CCSER1: variants seen among roughly 807,000 people sequenced by gnomAD.
The protein encoded by CCSER1 is coiled-coil serine rich protein 1.
In CCSER1, 41 loss-of-function variants were observed where a neutral mutation model predicts 82.0. The ratio of observed to expected loss-of-function variants is 0.50; its 90% CI spans 0.39 to 0.65. The LOEUF (loss-of-function observed/expected upper bound fraction) is 0.65, where lower values mean the gene tolerates loss of function less well. Among genes scored for constraint, CCSER1 ranks in the 30% least tolerant of loss-of-function variants. The pLI, the probability that CCSER1 is intolerant of heterozygous loss-of-function variation, is 0.00. For missense variants in CCSER1, 1,119 were observed against 1,064.2 expected (o/e 1.05, Z -0.72); for synonymous variants, 414 against 383.9 (o/e 1.08, Z -0.92).
chr4:90,894,210 T>A (rs1261177499), intron 8 of CCSER1, among the ~76,000 whole-genome samples: 1 of 152,078 alleles, frequency 6.6e-6, no homozygotes, highest in Non-Finnish European at 1.5e-5. Context: ...TATCCAAAAT[T>A]GTATTCTGTT....
intron 7 of CCSER1, 118 bp from the exon 8 acceptor site, chr4:90,815,644 G>A (rs1423519911): frequency 9.6e-6 from 6 of 622,590 alleles, no homozygotes; most frequent in African/African-American, 9.2e-5. Flanking sequence ...ACTATAGAGG[G>A]AATTTGAGTT....
intron 8 of CCSER1, among the ~76,000 whole-genome samples, chr4:90,902,649 G>T (rs533044134): frequency 6.6e-6 from 1 of 152,132 alleles, no homozygotes; most frequent in Non-Finnish European, 1.5e-5. Flanking sequence ...TATGCCTCCT[G>T]CAAGGCTTAG....
chr4:90,863,082 C>T (rs894850439), intron 8 of CCSER1, among the ~76,000 whole-genome samples: 2 of 151,296 alleles, frequency 1.3e-5, no homozygotes, highest in African/African-American at 2.4e-5. Flanking sequence ...AATGCTATCC[C>T]TCCCCGCTCC....
At chr4:91,562,880 A>G (rs1006953704) in intron 10 of CCSER1, among the ~76,000 whole-genome samples, 1 of 151,696 alleles carries the variant, frequency 6.6e-6, no homozygotes, top group Non-Finnish European at 1.5e-5. Context: ...GACAAATTAC[A>G]TAAAGACGTT....
At chr4:91,452,001 T>A (rs760724444) in intron 10 of CCSER1, among the ~76,000 whole-genome samples, 2 of 151,968 alleles carry the variant, frequency 1.3e-5, no homozygotes, top group Admixed American at 6.6e-5. Flanking sequence ...CTCTATTTCA[T>A]TTTTAAGGGT....
At chr4:90,260,879 C>T (rs1724207678) in intron 1 of CCSER1, among the ~76,000 whole-genome samples, 1 of 152,072 alleles carries the variant, frequency 6.6e-6, no homozygotes, top group South Asian at 2.1e-4. Flanking sequence ...GCACACCTGG[C>T]TAATTTTTCT....
chr4:90,516,952 T>G (rs1055730801), intron 5 of CCSER1, among the ~76,000 whole-genome samples: 1 of 152,138 alleles, frequency 6.6e-6, no homozygotes, highest in East Asian at 1.9e-4. Flanking sequence ...AGTTATTTGG[T>G]AGTTTATATG....
chr4:90,522,997 A>G (rs1578948286), intron 5 of CCSER1, among the ~76,000 whole-genome samples: 1 of 151,636 alleles, frequency 6.6e-6, no homozygotes, highest in African/African-American at 2.4e-5. Flanking sequence ...ATAATCATTT[A>G]CCCCCCTCTT....
In CCSER1 at chr4:91,599,303, T is replaced by G. The variant is rs2110363154; in HGVS notation, c.*246T>G. The G allele has an allele frequency of 2.6e-6, 1 of 389,332 alleles. No homozygotes were observed. The highest frequency in any genetic ancestry group is 4.6e-6 in the Non-Finnish European group (1 of 217,602). The allele number at this position is 389,332 out of a possible 1,614,324, so 24.1% of individuals were successfully genotyped here. On this transcript the variant is annotated 3_prime_UTR_variant, in exon 11 of 11. Transcript: ENST00000509176. Reference sequence around the variant, plus strand: ...AAGACTTTACTATATAGGTGTATAATAAATGGGACCATCATGATCGTTTAT... The same window carrying G: ...AAGACTTTACTATATAGGTGTATAAGAAATGGGACCATCATGATCGTTTAT...
intron 1 of CCSER1, among the ~76,000 whole-genome samples, chr4:90,233,500 C>T (rs892990054): frequency 4.6e-5 from 7 of 151,950 alleles, no homozygotes; most frequent in Admixed American, 4.6e-4. Context: ...GGAGGGATAG[C>T]ATGGGGAGAT....
chr4:90,656,377 G>T (rs1360733736), intron 6 of CCSER1, among the ~76,000 whole-genome samples: 1 of 151,034 alleles, frequency 6.6e-6, no homozygotes, highest in East Asian at 1.9e-4. Context: ...ATATATTATT[G>T]GATGTATTAG....
At chr4:90,732,023 G>T (rs991874973) in intron 7 of CCSER1, among the ~76,000 whole-genome samples, 7 of 85,438 alleles carry the variant, frequency 8.2e-5, no homozygotes, top group South Asian at 3.5e-4. Flanking sequence ...GTACCTATTG[G>T]GATTTCTCTC....
intron 9 of CCSER1, among the ~76,000 whole-genome samples, chr4:90,991,805 C>G (rs1398977823): frequency 6.6e-6 from 1 of 152,022 alleles, no homozygotes; most frequent in Non-Finnish European, 1.5e-5. Context: ...ACTTCCCCAT[C>G]TCTCTCCTTT....
intron 6 of CCSER1, among the ~76,000 whole-genome samples, chr4:90,662,088 TC>T (rs776058483): frequency 1.3e-5 from 2 of 150,348 alleles, no homozygotes; most frequent in Non-Finnish European, 3.0e-5. Flanking sequence ...AACCTCCGCC[TC>T]CCAGGTTCAC....
intron 9 of CCSER1, among the ~76,000 whole-genome samples, chr4:91,025,345 G>A (rs569269899): frequency 1.8e-4 from 27 of 152,036 alleles, no homozygotes; most frequent in Non-Finnish European, 3.5e-4. Flanking sequence ...AAAAGCTTCA[G>A]GGACTATCTT....
chr4:90,466,314 G>A (rs1433373566), intron 4 of CCSER1, among the ~76,000 whole-genome samples: 1 of 152,228 alleles, frequency 6.6e-6, no homozygotes, highest in African/African-American at 2.4e-5. Context: ...TGTGAAGGAT[G>A]TTCCCCACTG....
chr4:91,486,433 G>T (rs1758224647), intron 10 of CCSER1, among the ~76,000 whole-genome samples: 1 of 151,764 alleles, frequency 6.6e-6, no homozygotes, highest in Admixed American at 6.6e-5. Flanking sequence ...CTTCAAAAAA[G>T]GAACTATTTC....
At chr4:90,628,906 C>A (rs11942326) in intron 6 of CCSER1, among the ~76,000 whole-genome samples, 4,348 of 151,976 alleles carry the variant, frequency 0.029, 199 homozygotes, top group African/African-American at 0.1. Flanking sequence ...CAAAGTATAC[C>A]CGTGATTATT....
intron 10 of CCSER1, among the ~76,000 whole-genome samples, chr4:91,537,152 CA>C: frequency 6.6e-6 from 1 of 152,146 alleles, no homozygotes; most frequent in Non-Finnish European, 1.5e-5. Context: ...CATTAGTTTA[CA>C]GCATCCCTGT....
Sources: gnomAD v4.1 joint callset for allele counts (sites outside exome capture counted in the v4.1 genomes callset) on GRCh38, gnomAD v4.1.1 for gene constraint, MANE v1.5 for transcripts, NCBI Gene and HGNC (gene_info 2026-07-23, HGNC 2026-07-21) for gene names.